Variants in CD247 observed in about 807,000 individuals in gnomAD.
CD247 encodes T-cell surface glycoprotein CD3 zeta chain.
A neutral mutation model predicts 30.0 loss-of-function variants in CD247; 13 were observed. The ratio of observed to expected loss-of-function variants is 0.43; its 90% CI spans 0.28 to 0.69. CD247 has a LOEUF of 0.69. CD247 is among the 30% of genes least tolerant of loss of function. CD247 has a pLI of 0.16. For missense variants in CD247, 193 were observed against 212.6 expected (o/e 0.91, Z 0.57); for synonymous variants, 72 against 80.0 (o/e 0.90, Z 0.53).
At chr1:167,475,180 A>C (rs995569556) in intron 1 of CD247, among the ~76,000 whole-genome samples, 2 of 152,074 alleles carry the variant, frequency 1.3e-5, no homozygotes, top group African/African-American at 4.8e-5. Flanking sequence ...CTGGGAAAAA[A>C]CCCCACCATT....
Position 167,494,940 on chromosome 1 carries a change from T to A in CD247, c.58+23468A>T, listed in dbSNP as rs1367753996. On this transcript the variant is annotated intron_variant, in intron 1 of 7. Transcript: ENST00000362089. The surrounding 1 kb of genome is among the most constrained non-coding windows in gnomAD (Gnocchi z 7.3). ...GTGACTTGCCTTGGCTGGGCTGGAC[T>A]CTGTTCTCTCCCCACCTGGACCTTG... Among the ~76,000 whole-genome samples, 2 of 152,170 alleles carry A rather than the reference T, an allele frequency of 1.3e-5. No individual in the cohort carries two copies. Among genetic ancestry groups the A allele is most frequent in the Admixed American group, 1.3e-4 (2 of 15,272 alleles).
chr1:167,440,993 AG>A (rs559807256), intron 1 of CD247, among the ~76,000 whole-genome samples: 340 of 152,332 alleles, frequency 2.2e-3, no homozygotes, highest in African/African-American at 7.5e-3. Context: ...GTGGGGCCAA[AG>A]AACCTGGGGC....
At position 167,464,967 on chromosome 1, in the gene CD247, C is replaced by T. The variant is rs191752414; in HGVS notation, c.59-24200G>A. ...AAAACTGCAGCAACTTTTAGAGAGCCACATAGTATTATTCCAGCTCTTTCT... is the reference window on the plus strand; with the variant it reads ...AAAACTGCAGCAACTTTTAGAGAGCTACATAGTATTATTCCAGCTCTTTCT... On this transcript the variant is annotated intron_variant, in intron 1 of 7. Transcript: ENST00000362089. Among the ~76,000 whole-genome samples, 613 of 152,294 alleles carry T rather than the reference C, an allele frequency of 4.0e-3. 3 individuals carry two copies. Among genetic ancestry groups the T allele is most frequent in the Non-Finnish European group, 5.9e-3 (402 of 68,030 alleles).
chr1:167,468,177 A>T (rs966979865), intron 1 of CD247, among the ~76,000 whole-genome samples: 2 of 152,200 alleles, frequency 1.3e-5, no homozygotes, highest in Non-Finnish European at 1.5e-5. Flanking sequence ...GTAAAAAAAA[A>T]ATGAGGGGAA....
chr1:167,466,515 C>G (rs1274167421), intron 1 of CD247, among the ~76,000 whole-genome samples: 1 of 151,952 alleles, frequency 6.6e-6, no homozygotes, highest in Non-Finnish European at 1.5e-5. Context: ...CTTTTTATCC[C>G]CAATTTTTCC....
At chr1:167,495,915 T>C (rs1054411714) in intron 1 of CD247, among the ~76,000 whole-genome samples, 6 of 152,218 alleles carry the variant, frequency 3.9e-5, no homozygotes, top group African/African-American at 1.4e-4. Flanking sequence ...ACACTTCCTA[T>C]GCACCTTCTC....
intron 1 of CD247, 32 bp downstream of exon 1, chr1:167,518,376 G>C (rs778856354): frequency 1.2e-6 from 2 of 1,611,310 alleles, no homozygotes; most frequent in Admixed American, 3.3e-5. Context: ...AGAGTTTCTA[G>C]AAGTTCCCTG....
chr1:167,465,277 A>G (rs1297961801), intron 1 of CD247, among the ~76,000 whole-genome samples: 2 of 150,314 alleles, frequency 1.3e-5, no homozygotes, highest in African/African-American at 4.9e-5. Context: ...GATCAGTGAG[A>G]TAGAAAGTCA....
At chr1:167,471,947 C>G (rs1308510460) in intron 1 of CD247, among the ~76,000 whole-genome samples, 1 of 151,620 alleles carries the variant, frequency 6.6e-6, no homozygotes, top group African/African-American at 2.4e-5. Flanking sequence ...ATTCTCCTGC[C>G]TCAGCCTCCT....
rs938325134 is a variant in CD247 at position 167,440,918 on chromosome 1, T to A, written c.59-151A>T. 4.4e-6 allele frequency: 3 copies of A among 675,934 alleles called. No individual in the cohort carries two copies. In the African/African-American group the frequency reaches 5.3e-5, roughly 12 times the overall value. 41.9% of individuals were successfully genotyped at this position (675,934 alleles called of 1,614,324 possible). On this transcript the variant is annotated intron_variant, in intron 1 of 7. Transcript: ENST00000362089. Reference sequence around the variant, plus strand: ...ATGCCTCAGCCTGATCACAACCCTCTCCCTCCCTCCCACCTCAACCAGCTC... The same window carrying A: ...ATGCCTCAGCCTGATCACAACCCTCACCCTCCCTCCCACCTCAACCAGCTC...
chr1:167,457,045 T>G (rs1453918472), intron 1 of CD247, among the ~76,000 whole-genome samples: 2 of 152,162 alleles, frequency 1.3e-5, no homozygotes, highest in African/African-American at 4.8e-5. Flanking sequence ...GAGGACCGGC[T>G]TGGTGGGTGC....
At chr1:167,460,560 A>C (rs559658135) in intron 1 of CD247, among the ~76,000 whole-genome samples, 38 of 152,184 alleles carry the variant, frequency 2.5e-4, no homozygotes, top group Non-Finnish European at 4.7e-4. Context: ...ATGCCCCACT[A>C]CTAACTACTC....
intron 1 of CD247, among the ~76,000 whole-genome samples, chr1:167,511,353 A>G (rs576413778): frequency 2.6e-5 from 4 of 152,298 alleles, no homozygotes; most frequent in Non-Finnish European, 5.9e-5. Flanking sequence ...ACCTCTGCAT[A>G]CAGTGGGGTG....
intron 1 of CD247, among the ~76,000 whole-genome samples, chr1:167,441,046 T>A (rs566812590): frequency 1.3e-5 from 2 of 152,276 alleles, no homozygotes; most frequent in African/African-American, 4.8e-5. Context: ...GATGAGGCTG[T>A]TCTCTGTGCA....
At chr1:167,500,965 C>A (rs1443810187) in intron 1 of CD247, among the ~76,000 whole-genome samples, 1 of 151,554 alleles carries the variant, frequency 6.6e-6, no homozygotes, top group Non-Finnish European at 1.5e-5. Context: ...GGCTTACAGA[C>A]TCATTTTCAA....
chr1:167,461,613 G>C (rs1381519511), intron 1 of CD247, among the ~76,000 whole-genome samples: 1 of 152,204 alleles, frequency 6.6e-6, no homozygotes, highest in Non-Finnish European at 1.5e-5. Context: ...ACTTTAGGAG[G>C]CCCAGGCGGG....
intron 1 of CD247, among the ~76,000 whole-genome samples, chr1:167,496,736 A>G (rs989282838): frequency 6.6e-6 from 1 of 152,222 alleles, no homozygotes; most frequent in Non-Finnish European, 1.5e-5. Context: ...CAAGAAGTCT[A>G]ATCAGGGACT....
intron 1 of CD247, among the ~76,000 whole-genome samples, chr1:167,510,107 G>T (rs1361915348): frequency 6.6e-6 from 1 of 152,174 alleles, no homozygotes; most frequent in East Asian, 1.9e-4. Flanking sequence ...GCCCTGAGTT[G>T]AAGTAATGTT....
chr1:167,449,436 G>T (rs1025806446), intron 1 of CD247, among the ~76,000 whole-genome samples: 1 of 151,378 alleles, frequency 6.6e-6, no homozygotes, highest in Non-Finnish European at 1.5e-5. Context: ...TTACAGGTGT[G>T]AGCCACCGAG....
Sources: allele counts gnomAD v4.1 joint callset (sites outside exome capture counted in the v4.1 genomes callset), GRCh38; gene constraint gnomAD v4.1.1; non-coding constraint Gnocchi (gnomAD v3.1); transcripts MANE v1.5; gene names NCBI Gene and HGNC (gene_info 2026-07-23, HGNC 2026-07-21).